The following MTDH variants were observed in gnomAD, a reference collection of about 807,000 sequenced individuals.
MTDH encodes metadherin, also known as protein LYRIC.
A neutral mutation model predicts 72.7 loss-of-function variants in MTDH; 34 were observed. The observed-to-expected ratio is 0.47, with a 90% CI of 0.36 to 0.62. MTDH has a LOEUF of 0.62. Ranked by LOEUF, MTDH falls within the 20% of genes least tolerant of loss-of-function variation. The probability of loss-of-function intolerance (pLI) is 0.00; values close to 1 mark genes in which losing one functional copy is unlikely to be tolerated. For missense variants in MTDH, 677 were observed against 699.4 expected, an observed-to-expected ratio of 0.97 and a Z score of 0.36; for synonymous variants, 266 against 268.9, an observed-to-expected ratio of 0.99 and a Z score of 0.10.
At chr8:97,707,740 G>T (rs1365616538) in intron 8 of MTDH, among the ~76,000 whole-genome samples, 2 of 151,580 alleles carry the variant, frequency 1.3e-5, no homozygotes, top group Non-Finnish European at 2.9e-5. Context: ...GAAAGGATCC[G>T]GAATAAACTA....
rs1000972723 is a variant in MTDH, at chr8:97,644,357, A to C, written c.-150A>C. On this transcript the variant is annotated 5_prime_UTR_variant, in exon 1 of 12. Coordinates refer to ENST00000336273, the MANE Select transcript of MTDH (RefSeq NM_178812.4). ...ACCCCTCCGCCCTCCCCGCGGTGGC[A>C]GCGGCCGATCCCCGGCTCCGGCGCG... 6 of 1,082,988 alleles carry C rather than the reference A, an allele frequency of 5.5e-6. No individual in the cohort carries two copies. The highest frequency in any genetic ancestry group is 7.0e-5 in the Admixed American group (2 of 28,660). The allele number at this position is 1,082,988 out of a possible 1,614,324, so 67.1% of individuals were successfully genotyped here. A position where few individuals can be genotyped will look rare whatever the true frequency, so the allele number is the denominator to read the frequency against.
intron 2 of MTDH, among the ~76,000 whole-genome samples, chr8:97,665,087 C>G (rs1248656707): frequency 6.6e-6 from 1 of 152,206 alleles, no homozygotes; most frequent in Non-Finnish European, 1.5e-5. Flanking sequence ...AGAAATACAT[C>G]TTTGATCTTA....
intron 2 of MTDH, among the ~76,000 whole-genome samples, chr8:97,664,409 C>G (rs1007833605): frequency 2.0e-4 from 30 of 151,872 alleles, no homozygotes; most frequent in African/African-American, 7.0e-4. Flanking sequence ...GCAGCTTATT[C>G]TGATTCGAAA....
Position 97,660,968 on chromosome 8 carries a change from C to T in MTDH, c.382-104C>T. The stretch of plus-strand genomic sequence containing the variant: ...TACAAAAACTTTTTAAATTTAGGTA[C>T]AGAGGTAGGATTTGATTGTAGTATA... On this transcript the variant is annotated intron_variant, in intron 1 of 11. Transcript: ENST00000336273. 1.2e-5 allele frequency: 9 copies of T among 761,022 alleles called. No homozygotes were observed. In the South Asian group the frequency reaches 1.9e-4, roughly 16 times the overall value. The allele number at this position is 761,022 out of a possible 1,614,324, so 47.1% of individuals were successfully genotyped here.
At chr8:97,688,963 TTA>T (rs1300260539) in intron 4 of MTDH, 73 bp from the exon 5 acceptor site, 1 of 642,330 alleles carries the variant, frequency 1.6e-6, no homozygotes, top group African/African-American at 1.9e-5. Flanking sequence ...AAAAATTAAT[TTA>T]TGTGTTACTC....
Position 97,701,228 on chromosome 8 carries a change from G to T in MTDH, c.1147+1376G>T, listed in dbSNP as rs149941384. Among the ~76,000 whole-genome samples, 6 of 152,162 alleles carry T rather than the reference G, an allele frequency of 3.9e-5. No homozygotes were observed. In the East Asian group the frequency reaches 1.2e-3, roughly 29 times the overall value. On this transcript the variant is annotated intron_variant, in intron 7 of 11. Coordinates refer to ENST00000336273, the MANE Select transcript of MTDH (RefSeq NM_178812.4). ...ACAGTCATCTCTCAGTATCCATGGG[G>T]GGTTGATTCCAGGACCCCCCTCAGG...
intron 1 of MTDH, among the ~76,000 whole-genome samples, chr8:97,650,820 C>T (rs1811744258): frequency 6.6e-6 from 1 of 152,146 alleles, no homozygotes; most frequent in Middle Eastern, 3.2e-3. Flanking sequence ...ACCTCCGCCT[C>T]TCAGGCTCAA....
chr8:97,656,784 G>A (rs1312414357), intron 1 of MTDH, among the ~76,000 whole-genome samples: 5 of 151,536 alleles, frequency 3.3e-5, no homozygotes, highest in African/African-American at 1.2e-4. Context: ...CGGGTCACTT[G>A]AGGCCAGGAG....
At chr8:97,709,411 A>G (rs1294800968) in intron 8 of MTDH, among the ~76,000 whole-genome samples, 1 of 152,208 alleles carries the variant, frequency 6.6e-6, no homozygotes, top group Non-Finnish European at 1.5e-5. Flanking sequence ...TTAACACAAT[A>G]GAACCCATGA....
At chr8:97,680,488 A>G (rs1813026080) in intron 2 of MTDH, among the ~76,000 whole-genome samples, 1 of 152,198 alleles carries the variant, frequency 6.6e-6, no homozygotes, top group Admixed American at 6.5e-5. Context: ...TAGGAGTGTT[A>G]TGGTGTGTGT....
chr8:97,680,662 T>C (rs1380710938), intron 2 of MTDH, among the ~76,000 whole-genome samples: 1 of 152,202 alleles, frequency 6.6e-6, no homozygotes, highest in Non-Finnish European at 1.5e-5. Context: ...TAGTGAAAGC[T>C]AATAGGAAAA....
rs1563542296 is a variant in MTDH, at chr8:97,682,247, TATATATATATATATATATA to T, written c.484-4420_484-4402del. Among the ~76,000 whole-genome samples, 18 of 6,764 alleles carry T rather than the reference TATATATATATATATATATA, an allele frequency of 2.7e-3. 1 individual carries two copies. In the East Asian group the frequency reaches 0.031, roughly 12 times the overall value. The allele number at this position is 6,764 out of a possible 152,430, so 4.4% of individuals were successfully genotyped here. Reference sequence around the variant, plus strand: ...TAATTACTTTATATATATATATATATATATATATATATATATATATATATATATATATATTTTTTTTTTT... The same window carrying T: ...TAATTACTTTATATATATATATATATTATATATATATATATTTTTTTTTTT... On this transcript the variant is annotated intron_variant, in intron 2 of 11. Coordinates refer to ENST00000336273, the MANE Select transcript of MTDH (RefSeq NM_178812.4).
intron 1 of MTDH, among the ~76,000 whole-genome samples, chr8:97,645,310 A>C (rs930527672): frequency 1.3e-5 from 2 of 152,226 alleles, no homozygotes; most frequent in African/African-American, 4.8e-5. Flanking sequence ...GTCTATCTCA[A>C]GTCACATTGA....
At chr8:97,687,103 A>G (rs866849577) in intron 3 of MTDH, among the ~76,000 whole-genome samples, 2 of 152,300 alleles carry the variant, frequency 1.3e-5, no homozygotes, top group Middle Eastern at 3.4e-3. Context: ...CCCATTTATT[A>G]GTGATTATAT....
At chr8:97,672,058 A>G (rs370555708) in intron 2 of MTDH, among the ~76,000 whole-genome samples, 3 of 152,216 alleles carry the variant, frequency 2.0e-5, no homozygotes, top group African/African-American at 7.2e-5. Context: ...AAGAGTTTAT[A>G]CACATGTGTA....
intron 7 of MTDH, 109 bp downstream of exon 7, chr8:97,699,961 G>T: frequency 1.6e-6 from 1 of 627,456 alleles, no homozygotes. Flanking sequence ...ACCTTTAAAG[G>T]TCATAAGAAT....
At chr8:97,689,437 C>T (rs529855970) in intron 5 of MTDH, among the ~76,000 whole-genome samples, 7 of 149,480 alleles carry the variant, frequency 4.7e-5, no homozygotes, top group Admixed American at 6.7e-5. Flanking sequence ...TAGCATATAT[C>T]GGATAAAATA....
At chr8:97,681,903 A>G (rs574120334) in intron 2 of MTDH, among the ~76,000 whole-genome samples, 1 of 152,186 alleles carries the variant, frequency 6.6e-6, no homozygotes, top group South Asian at 2.1e-4. Context: ...CTCCTAAAAC[A>G]GTGTCTGACA....
Position 97,671,059 on chromosome 8 carries a change from G to A in MTDH, c.483+9886G>A, listed in dbSNP as rs368281094. On this transcript the variant is annotated intron_variant, in intron 2 of 11. Coordinates refer to ENST00000336273, the MANE Select transcript of MTDH (RefSeq NM_178812.4). ...CGGCTCACTGCAAGCTCCGCTTCCC[G>A]GGTTCACGCCATTCTCCTGCCTCAG... is the stretch of plus-strand genomic sequence containing the variant. Among the ~76,000 whole-genome samples the A allele has an allele frequency of 8.1e-3, 1,168 of 144,236 alleles. 17 individuals are homozygous for A. Among genetic ancestry groups the A allele is most frequent in the African/African-American group, 0.028 (1,090 of 38,540 alleles). 94.6% of individuals were successfully genotyped at this position (144,236 alleles called of 152,430 possible).
Sources: allele counts gnomAD v4.1 joint callset (sites outside exome capture counted in the v4.1 genomes callset), GRCh38; gene constraint gnomAD v4.1.1; transcripts MANE v1.5; gene names NCBI Gene and HGNC (gene_info 2026-07-23, HGNC 2026-07-21).